The following LRRIQ3 variants were observed in gnomAD, a reference collection of about 807,000 sequenced individuals.
LRRIQ3 encodes the protein leucine rich repeats and IQ motif containing 3, also known as leucine-rich repeat and IQ domain-containing protein 3.
In LRRIQ3, 75 loss-of-function variants were observed where a neutral mutation model predicts 59.3. That is an observed-to-expected ratio of 1.26 (90% CI 1.05 to 1.53). LRRIQ3 has a LOEUF of 1.53. LRRIQ3 is among the 40% of genes most tolerant of loss of function. The pLI, the probability that LRRIQ3 is intolerant of heterozygous loss-of-function variation, is 0.00. For synonymous variants in LRRIQ3, 250 were observed against 231.3 expected, an observed-to-expected ratio of 1.08 and a Z score of -0.73; for missense variants, 831 against 710.0, an observed-to-expected ratio of 1.17 and a Z score of -1.94.
At chr1:74,046,208 T>A (rs1201672504) in intron 6 of LRRIQ3, among the ~76,000 whole-genome samples, 1 of 152,050 alleles carries the variant, frequency 6.6e-6, no homozygotes, top group African/African-American at 2.4e-5. Context: ...CTTCAAACTA[T>A]ACTACAAGGC....
At chr1:74,139,955 G>C (rs1442889265) in intron 4 of LRRIQ3, among the ~76,000 whole-genome samples, 1 of 151,766 alleles carries the variant, frequency 6.6e-6, no homozygotes, top group Non-Finnish European at 1.5e-5. Context: ...CAAAACAGTA[G>C]AGGGGGAAAA....
intron 6 of LRRIQ3, among the ~76,000 whole-genome samples, chr1:74,055,238 A>T (rs1654497274): frequency 6.8e-6 from 1 of 148,116 alleles, no homozygotes; most frequent in African/African-American, 2.5e-5. Context: ...AAAGGGTATG[A>T]TTCAGTGTTT....
chr1:74,027,183 C>T (rs536720549), intron 7 of LRRIQ3, among the ~76,000 whole-genome samples: 32 of 152,028 alleles, frequency 2.1e-4, no homozygotes, highest in Non-Finnish European at 2.6e-4. Flanking sequence ...TAAAAATTCT[C>T]ACAAACTATG....
At chr1:74,171,693 G>T (rs971458830) in intron 3 of LRRIQ3, among the ~76,000 whole-genome samples, 1 of 151,928 alleles carries the variant, frequency 6.6e-6, no homozygotes, top group Non-Finnish European at 1.5e-5. Flanking sequence ...CTTTTTGGGG[G>T]GCAGAATTTA....
intron 4 of LRRIQ3, among the ~76,000 whole-genome samples, chr1:74,120,062 G>A (rs1646830581): frequency 6.6e-6 from 1 of 151,406 alleles, no homozygotes; most frequent in Non-Finnish European, 1.5e-5. Context: ...TATATGTTCA[G>A]GTTTTATTAT....
At chr1:74,100,064 A>C (rs552370715) in intron 5 of LRRIQ3, among the ~76,000 whole-genome samples, 1 of 152,286 alleles carries the variant, frequency 6.6e-6, no homozygotes, top group South Asian at 2.1e-4. Flanking sequence ...CAGGGCAATC[A>C]GGCAGGAGAA....
intron 7 of LRRIQ3, among the ~76,000 whole-genome samples, chr1:74,037,045 G>A (rs1391183630): frequency 1.3e-5 from 2 of 152,034 alleles, no homozygotes; most frequent in East Asian, 1.9e-4. Context: ...TATGTAAAAA[G>A]CACTCTCTTC....
chr1:74,133,165 C>T (rs989615424), intron 4 of LRRIQ3, among the ~76,000 whole-genome samples: 150 of 152,086 alleles, frequency 9.9e-4, no homozygotes, highest in African/African-American at 3.5e-3. Context: ...CAATGAGATA[C>T]CACCTCACAC....
chr1:74,096,016 A>T (rs1646444854), intron 5 of LRRIQ3, among the ~76,000 whole-genome samples: 1 of 152,078 alleles, frequency 6.6e-6, no homozygotes, highest in Non-Finnish European at 1.5e-5. Context: ...AGTATGCATT[A>T]ATTTATTTAA....
chr1:74,136,464 T>C (rs1160882531), intron 4 of LRRIQ3, among the ~76,000 whole-genome samples: 3 of 151,880 alleles, frequency 2.0e-5, no homozygotes, highest in African/African-American at 7.2e-5. Context: ...CCAAGGTACC[T>C]CTCTGGAACC....
chr1:74,186,694 A>G (rs1268337893), intron 1 of LRRIQ3, among the ~76,000 whole-genome samples: 1 of 152,180 alleles, frequency 6.6e-6, no homozygotes, highest in African/African-American at 2.4e-5. Flanking sequence ...GTTCACACAA[A>G]TCCAAATTTG....
chr1:74,197,536 C>T (rs1487069846), intron 1 of LRRIQ3, among the ~76,000 whole-genome samples: 1 of 152,108 alleles, frequency 6.6e-6, no homozygotes, highest in African/African-American at 2.4e-5. Flanking sequence ...TGTTATTGAA[C>T]ATTCTAGATT....
intron 3 of LRRIQ3, among the ~76,000 whole-genome samples, chr1:74,165,095 T>C (rs1301341363): frequency 6.6e-6 from 1 of 151,558 alleles, no homozygotes; most frequent in Non-Finnish European, 1.5e-5. Context: ...AGGTAACTGA[T>C]GCATCCCACT....
intron 1 of LRRIQ3, among the ~76,000 whole-genome samples, chr1:74,188,519 C>A (rs1570283402): frequency 6.6e-6 from 1 of 152,122 alleles, no homozygotes; most frequent in Non-Finnish European, 1.5e-5. Context: ...CTCAGTGTAA[C>A]CTTCTTTGGC....
rs548073797 is a variant in LRRIQ3, at chr1:74,195,612, C to T, written c.-1+2384G>A. On this transcript the variant is annotated intron_variant, in intron 1 of 7. Coordinates refer to ENST00000354431, the MANE Select transcript of LRRIQ3 (RefSeq NM_001105659.2). ...CTCTTCAGATACTCTCTACTCTCCTCCTGGAAATAAAAAGCCCAAATGCCT... is the reference window on the plus strand; with the variant it reads ...CTCTTCAGATACTCTCTACTCTCCTTCTGGAAATAAAAAGCCCAAATGCCT... Among the ~76,000 whole-genome samples the T allele has an allele frequency of 3.8e-4, 58 of 152,240 alleles. 1 individual carries two copies. The highest frequency in any genetic ancestry group is 1.4e-3 in the African/African-American group (57 of 41,544).
At chr1:74,037,240 A>C (rs1294651424) in intron 7 of LRRIQ3, among the ~76,000 whole-genome samples, 2 of 152,218 alleles carry the variant, frequency 1.3e-5, no homozygotes, top group African/African-American at 4.8e-5. Context: ...GGGTGGGGCC[A>C]AAATGGCTGA....
intron 6 of LRRIQ3, among the ~76,000 whole-genome samples, chr1:74,058,564 G>C (rs897922839): frequency 6.6e-6 from 1 of 152,066 alleles, no homozygotes; most frequent in Admixed American, 6.6e-5. Context: ...CCAGAGGCTG[G>C]AGAGTGTTGG....
chr1:74,170,667 T>A (rs1330320706), intron 3 of LRRIQ3, among the ~76,000 whole-genome samples: 1 of 152,154 alleles, frequency 6.6e-6, no homozygotes, highest in East Asian at 1.9e-4. Flanking sequence ...TCAGGATCTT[T>A]TGTGGTGCCA....
intron 4 of LRRIQ3, among the ~76,000 whole-genome samples, chr1:74,143,399 A>C (rs1647354404): frequency 6.6e-6 from 1 of 151,984 alleles, no homozygotes; most frequent in South Asian, 2.1e-4. Context: ...TGCAAAATTT[A>C]AATAGTATTG....
Sources: gnomAD v4.1 joint callset for allele counts (sites outside exome capture counted in the v4.1 genomes callset) on GRCh38, gnomAD v4.1.1 for gene constraint, MANE v1.5 for transcripts, NCBI Gene and HGNC (gene_info 2026-07-23, HGNC 2026-07-21) for gene names.